TTN: variants seen among roughly 807,000 people sequenced by gnomAD.
The protein encoded by TTN is connectin.
In TTN, 1,525 loss-of-function variants were observed where a neutral mutation model predicts 3,223.0. That is an observed-to-expected ratio of 0.47 (90% CI 0.45 to 0.49). The LOEUF is 0.49. TTN is among the 20% of genes least tolerant of loss of function. The probability of loss-of-function intolerance (pLI) is 0.00; values close to 1 mark genes in which losing one functional copy is unlikely to be tolerated. For synonymous variants in TTN, 14,094 were observed against 15,161.0 expected, an observed-to-expected ratio of 0.93 and a Z score of 5.17; for missense variants, 40,786 against 43,424.0, an observed-to-expected ratio of 0.94 and a Z score of 5.40.
At position 178,580,015 on chromosome 2, in the gene TTN, G is replaced by A. The variant is rs747377194; in HGVS notation, c.67272C>T (p.Tyr22424=). ...RVANLEEGKS[Y]FFRVFAENEY... ...CATTTTCAGCAAACACTCGGAAGAA[G>A]TAGGATTTTCCCTCCTCCAAATTAG... Residue 22424 remains tyrosine, a synonymous_variant, in exon 318 of 363, where the codon TAC becomes TAT. Coordinates refer to ENST00000589042, the MANE Select transcript of TTN (RefSeq NM_001267550.2). 1.9e-6 allele frequency: 3 copies of A among 1,613,372 alleles called. No individual in the cohort carries two copies. Among genetic ancestry groups the A allele is most frequent in the South Asian group, 2.2e-5 (2 of 91,076 alleles).
rs397517664 is a variant in TTN at position 178,581,650 on chromosome 2, G to T, written c.66618C>A (p.Cys22206Ter). ...TTTTCTGTAGATTCTGTGGTAAGTT[G>T]CACCTCACCCAGTTATCGGAGTCAG... ...KRADSDNWVR[C>*]NLPQNLQKTR... The change falls in exon 316 of 363, where the codon TGC becomes TGA. Residue 22206 changes from cysteine (C) to a stop codon, truncating the protein, a stop_gained. Transcript: ENST00000589042. LOFTEE classifies it high-confidence loss of function. 2 of 1,612,770 alleles carry T rather than the reference G, an allele frequency of 1.2e-6. No individual in the cohort carries two copies. Among genetic ancestry groups the T allele is most frequent in the Non-Finnish European group, 1.7e-6 (2 of 1,179,272 alleles).
chr2:178,597,416 T>C, intron 294 of TTN, 122 bp downstream of exon 294: 5 of 1,161,470 alleles, frequency 4.3e-6, no homozygotes, highest in Non-Finnish European at 3.6e-6. Context: ...ATGTTCAACA[T>C]GATTATGGGT....
Position 178,727,229 on chromosome 2 carries a change from A to C in TTN, c.20136T>G (p.Asp6712Glu). ...AGTCAATGAAAGTCATTCTGTACTTATCACTGGCTGGAAGTTCATGTTCAT... is the reference window on the plus strand; with the variant it reads ...AGTCAATGAAAGTCATTCTGTACTTCTCACTGGCTGGAAGTTCATGTTCAT... ...FRNEHELPAS[D>E]KYRMTFIDSV... The change falls in exon 69 of 363, where the codon GAT becomes GAG. Residue 6712 changes from aspartate (D) to glutamate (E), a missense_variant. Coordinates refer to ENST00000589042, the MANE Select transcript of TTN (RefSeq NM_001267550.2). The C allele has an allele frequency of 6.2e-7, 1 of 1,613,268 alleles. No homozygotes were observed. The highest frequency in any genetic ancestry group is 8.5e-7 in the Non-Finnish European group (1 of 1,179,472).
chr2:178,622,163 C>T (rs1377569278), intron 243 of TTN, among the ~76,000 whole-genome samples, 155 bp from the exon 244 acceptor site: 1 of 151,712 alleles, frequency 6.6e-6, no homozygotes, highest in Admixed American at 6.6e-5. Context: ...ATAAACAAAC[C>T]CCAAAAGCAA....
rs376348815 is a variant in TTN, at chr2:178,633,968, A to G, written c.42531T>C (p.Asn14177=). The G allele has an allele frequency of 2.5e-6, 4 of 1,613,394 alleles. No homozygotes were observed. The highest frequency in any genetic ancestry group is 3.4e-6 in the Non-Finnish European group (4 of 1,179,532). ...TTCTGCTTGTATGGAGTTTGGCATC[A>G]TTTTTGAACCAGACTACATGCATTT... ...HEKMHVVWFK[N]DAKLHTSRTV... is the part of the protein sequence containing the mutation. Residue 14177 remains asparagine (N), a synonymous_variant, in exon 231 of 363, where the codon AAT becomes AAC. Transcript: ENST00000589042.
Position 178,582,580 on chromosome 2 carries a change from G to C in TTN, c.65876C>G (p.Pro21959Arg). The C allele has an allele frequency of 1.2e-6, 2 of 1,607,572 alleles. No homozygotes were observed. Among genetic ancestry groups the C allele is most frequent in the Non-Finnish European group, 1.7e-6 (2 of 1,175,896 alleles). Residue 21959 changes from proline (P) to arginine (R), a missense_variant, in exon 314 of 363, where the codon CCT (proline) becomes CGT (arginine). Transcript: ENST00000589042. The stretch of plus-strand genomic sequence containing the variant: ...TTTGTTGATTTTAACAGATGCTGGA[G>C]GACCCGGTTTATCTGAAGGAATAAG... ...IKLKVLDKPG[P>R]PASVKINKMY...
chr2:178,607,414 C>T lies in TTN; in HGVS notation c.53274G>A (p.Arg17758=), dbSNP rs755982578. 1 of 1,613,032 alleles carries T rather than the reference C, an allele frequency of 6.2e-7. No individual in the cohort carries two copies. Among genetic ancestry groups the T allele is most frequent in the African/African-American group, 1.3e-5 (1 of 74,958 alleles). ...NSCGSKFAAA[R]VEVFDVPGPV... Reference sequence around the variant, plus strand: ...AACATTCCTTACCAAAAACTTCTACCCTGGCTGCTGCAAATTTGGAACCAC... The same window carrying T: ...AACATTCCTTACCAAAAACTTCTACTCTGGCTGCTGCAAATTTGGAACCAC... The change falls in exon 277 of 363, where the codon AGG becomes AGA. Residue 17758 remains arginine (R), a synonymous_variant. Transcript: ENST00000589042.
chr2:178,769,414 C>T (rs1051057826), intron 37 of TTN, among the ~76,000 whole-genome samples: 3 of 151,700 alleles, frequency 2.0e-5, no homozygotes, highest in Non-Finnish European at 2.9e-5. Flanking sequence ...CCACCATGCC[C>T]AGCTAATTTT....
chr2:178,749,404 T>G (rs1453280389), intron 47 of TTN: 2 of 1,613,130 alleles, frequency 1.2e-6, no homozygotes, highest in African/African-American at 2.7e-5. Context: ...ATCTGGGAAT[T>G]TTTTCTCTAG....
chr2:178,599,060 C>T lies in TTN; in HGVS notation c.56650G>A (p.Val18884Ile). 1 of 1,539,664 alleles carries T rather than the reference C, an allele frequency of 6.5e-7. No homozygotes were observed. The highest frequency in any genetic ancestry group is 8.7e-7 in the Non-Finnish European group (1 of 1,147,990). The change falls in exon 291 of 363, where the codon GTC (valine) becomes ATC (isoleucine). Residue 18884 changes from valine to isoleucine, a missense_variant and splice_region_variant. Val to Ile is a conservative substitution (Grantham distance 29). Coordinates refer to ENST00000589042, the MANE Select transcript of TTN (RefSeq NM_001267550.2). Reference sequence around the variant, plus strand: ...GTTGGTTTATCTGGTGCTCCAGGGACAGCTGTGAAAAAGATCATATTGATT... The same window carrying T: ...GTTGGTTTATCTGGTGCTCCAGGGATAGCTGTGAAAAAGATCATATTGATT... The part of the protein sequence containing the change: ...EPETARNLFS[V>I]PGAPDKPTVS...
rs2067067819 is a variant in TTN, at chr2:178,671,960, A to G, written c.35227+11T>C. On this transcript the variant is annotated intron_variant, in intron 155 of 362. Coordinates refer to ENST00000589042, the MANE Select transcript of TTN (RefSeq NM_001267550.2). Reference sequence around the variant, plus strand: ...TATAAGAATTTGTAGTATTTGAAGAATTCCCTATACCTTTAGGTGGAGCTT... The same window carrying G: ...TATAAGAATTTGTAGTATTTGAAGAGTTCCCTATACCTTTAGGTGGAGCTT... The G allele has an allele frequency of 6.3e-7, 1 of 1,579,170 alleles. No homozygotes were observed. Among genetic ancestry groups the G allele is most frequent in the Non-Finnish European group, 8.5e-7 (1 of 1,171,390 alleles).
chr2:178,527,927 G>T, intron 361 of TTN, 179 bp from the exon 362 acceptor site: 1 of 583,856 alleles, frequency 1.7e-6, no homozygotes, highest in East Asian at 2.9e-5. Flanking sequence ...CTAGCTCAAT[G>T]TCTCCAAAAC....
rs775090787 is a variant in TTN, at chr2:178,545,427, T to C, written c.95683A>G (p.Ser31895Gly). 4 of 1,600,396 alleles carry C rather than the reference T, an allele frequency of 2.5e-6. No individual in the cohort carries two copies. Among genetic ancestry groups the C allele is most frequent in the African/African-American group, 2.7e-5 (2 of 74,536 alleles). Residue 31895 changes from serine (S) to glycine (G), a missense_variant, in exon 344 of 363, where the codon AGC becomes GGC. Transcript: ENST00000589042. Reference sequence around the variant, plus strand: ...CATGAGATGAAGTTGGAAGCTTCGCTGGGCTCACTGTTACCAGCTGCATTC... The same window carrying C: ...CATGAGATGAAGTTGGAAGCTTCGCCGGGCTCACTGTTACCAGCTGCATTC... ...AVNAAGNSEP[S>G]EASNFISCRE...
At position 178,741,317 on chromosome 2, in the gene TTN, G is replaced by A. The variant is rs1351461187; in HGVS notation, c.11916C>T (p.Phe3972=). 1 of 1,613,726 alleles carries A rather than the reference G, an allele frequency of 6.2e-7. No homozygotes were observed. The highest frequency in any genetic ancestry group is 8.5e-7 in the Non-Finnish European group (1 of 1,179,828). Residue 3972 remains phenylalanine (F), a synonymous_variant, in exon 48 of 363, where the codon TTC becomes TTT. Transcript: ENST00000589042. The part of the protein sequence containing the change: ...VGEPAPTVTW[F]KENKQLCTSV... ...TGGTGCAAAGCTGCTTGTTTTCTTT[G>A]AACCATGTAACAGTAGGGGCAGGCT...
chr2:178,704,094 A>G (rs2075457476), intron 106 of TTN, 53 bp downstream of exon 106: 3 of 1,584,300 alleles, frequency 1.9e-6, no homozygotes, highest in Non-Finnish European at 2.6e-6. Flanking sequence ...CCTGCACAAC[A>G]TTTGCCATTG....
chr2:178,664,678 T>G lies in TTN; in HGVS notation c.36178A>C (p.Lys12060Gln), dbSNP rs1422871294. Reference protein sequence around the residue: ...EKKTLVVPLRKPEVLPDEVPE... With the variant: ...EKKTLVVPLRQPEVLPDEVPE... ...CCTTCATCAGGAAGGACTTCAGGCT[T>G]TCTGAGAGGAACCACAAGCGTTTTC... is the stretch of plus-strand genomic sequence containing the variant. The change falls in exon 167 of 363, where the codon AAG (lysine) becomes CAG (glutamine). Residue 12060 changes from lysine (K) to glutamine (Q), a missense_variant. Transcript: ENST00000589042. The G allele has an allele frequency of 1.2e-6, 2 of 1,612,552 alleles. No homozygotes were observed. The highest frequency in any genetic ancestry group is 8.5e-7 in the Non-Finnish European group (1 of 1,179,700).
chr2:178,629,496 G>GAATA, intron 239 of TTN, 53 bp from the exon 240 acceptor site: 1 of 1,607,212 alleles, frequency 6.2e-7, no homozygotes, highest in Non-Finnish European at 8.5e-7. Context: ...AATCCCAAAA[G>GAATA]AATAAATAGA....
At position 178,573,167 on chromosome 2, in the gene TTN, AAC is replaced by A. The variant is rs1708864326; in HGVS notation, c.72963_72964del (p.Phe24322Ter). ...TGGGTTACCTGGTGGTCCAGGTTTA[AAC>A]ACAGTGTCACAAGCCTTGTAAAATG... On this transcript the variant is annotated frameshift_variant, in exon 326 of 363. Coordinates refer to ENST00000589042, the MANE Select transcript of TTN (RefSeq NM_001267550.2). LOFTEE classifies it high-confidence loss of function. 1 of 1,612,664 alleles carries A rather than the reference AAC, an allele frequency of 6.2e-7. No homozygotes were observed. Among genetic ancestry groups the A allele is most frequent in the South Asian group, 1.1e-5 (1 of 90,850 alleles).
intron 281 of TTN, among the ~76,000 whole-genome samples, 173 bp from the exon 282 acceptor site, chr2:178,604,478 G>A (rs1260877521): frequency 6.6e-6 from 1 of 151,978 alleles, no homozygotes; most frequent in Non-Finnish European, 1.5e-5. Flanking sequence ...ATAAAAATAT[G>A]TAGATGTATT....
Sources: gnomAD v4.1 joint callset for allele counts (sites outside exome capture counted in the v4.1 genomes callset) on GRCh38, gnomAD v4.1.1 for gene constraint, MANE v1.5 for transcripts, NCBI Gene and HGNC (gene_info 2026-07-23, HGNC 2026-07-21) for gene names.